The following TG variants were observed in gnomAD, a reference collection of about 807,000 sequenced individuals.
TG encodes the protein thyroglobulin, also known as thyroid hormones.
A neutral mutation model predicts 324.7 loss-of-function variants in TG; 270 were observed. The ratio of observed to expected loss-of-function variants is 0.83; its 90% CI spans 0.75 to 0.92. The LOEUF (loss-of-function observed/expected upper bound fraction) is 0.92, where lower values mean the gene tolerates loss of function less well. TG is among the 40% of genes least tolerant of loss of function. The pLI is 0.00. For synonymous variants in TG, 1,401 were observed against 1,327.0 expected, an observed-to-expected ratio of 1.06 and a Z score of -1.21; for missense variants, 3,591 against 3,456.4, an observed-to-expected ratio of 1.04 and a Z score of -0.98.
intron 11 of TG, 110 bp downstream of exon 11, chr8:132,894,039 C>T: frequency 6.4e-7 from 1 of 1,550,462 alleles, no homozygotes; most frequent in East Asian, 2.3e-5. Flanking sequence ...CTTCCCCAGA[C>T]TGATGGGTTC....
rs752408881 is a variant in TG, at chr8:133,133,639, T to C, written c.8167T>C (p.Ser2723Pro). Residue 2723 changes from serine to proline, a missense_variant, in exon 47 of 48, where the codon TCG becomes CCG. By Grantham distance (74) the Ser-to-Pro change is moderately conservative (BLOSUM62 -1). Transcript: ENST00000220616. ...CTGCTCCTTCTGGTCCAAGTACATC[T>C]CGTCTCTGAAGACATCTGCAGGTAG... ...ADCSFWSKYISSLKTSADGAK... is the reference protein window; with the variant it reads ...ADCSFWSKYIPSLKTSADGAK... 3.7e-6 allele frequency: 6 copies of C among 1,614,094 alleles called. No individual in the cohort carries two copies. The East Asian group carries it at 1.3e-4, about 36-fold the overall frequency.
intron 14 of TG, 55 bp downstream of exon 14, chr8:132,898,965 A>C (rs1014162433): frequency 6.8e-7 from 1 of 1,473,718 alleles, no homozygotes; most frequent in Non-Finnish European, 9.4e-7. Context: ...CTGGTCAGAG[A>C]TGATTTTTCT....
intron 43 of TG, among the ~76,000 whole-genome samples, chr8:133,100,767 G>A (rs946470692): frequency 6.6e-6 from 1 of 152,060 alleles, no homozygotes; most frequent in African/African-American, 2.4e-5. Context: ...CTAGAATAAA[G>A]GCTACTATGT....
At chr8:133,081,336 T>A (rs925526935) in intron 41 of TG, among the ~76,000 whole-genome samples, 6 of 152,240 alleles carry the variant, frequency 3.9e-5, no homozygotes, top group Non-Finnish European at 8.8e-5. Flanking sequence ...TGAATTAAAG[T>A]AAATAAATTG....
At chr8:133,046,071 G>A (rs552185833) in intron 41 of TG, among the ~76,000 whole-genome samples, 1 of 152,344 alleles carries the variant, frequency 6.6e-6, no homozygotes, top group South Asian at 2.1e-4. Flanking sequence ...GACCTGATAT[G>A]GGTTGGTAAG....
At chr8:132,991,545 G>A (rs1310997856) in intron 35 of TG, among the ~76,000 whole-genome samples, 6 of 152,152 alleles carry the variant, frequency 3.9e-5, no homozygotes, top group Admixed American at 6.5e-5. Context: ...ACGCACACAC[G>A]CACACAAGCC....
chr8:133,119,039 T>G (rs1850935547), intron 45 of TG, among the ~76,000 whole-genome samples: 3 of 152,160 alleles, frequency 2.0e-5, no homozygotes, highest in Admixed American at 2.0e-4. Flanking sequence ...AGCCAGAAAC[T>G]GGGAGAGCAC....
intron 43 of TG, among the ~76,000 whole-genome samples, chr8:133,110,793 T>C (rs1479335996): frequency 6.6e-6 from 1 of 152,190 alleles, no homozygotes; most frequent in Non-Finnish European, 1.5e-5. Flanking sequence ...AGCTGGGAAA[T>C]GCAAGAGCTG....
At chr8:132,973,417 T>G (rs1337317450) in intron 34 of TG, among the ~76,000 whole-genome samples, 1 of 141,966 alleles carries the variant, frequency 7.0e-6, no homozygotes, top group East Asian at 1.9e-4. Flanking sequence ...ATGATTCTGA[T>G]TATATCTATG....
chr8:132,983,294 A>T (rs1831119292), intron 34 of TG, 56 bp from the exon 35 acceptor site: 1 of 1,570,828 alleles, frequency 6.4e-7, no homozygotes, highest in Admixed American at 1.7e-5. Context: ...TGCCTTCTGA[A>T]CTCGATGATA....
chr8:133,063,161 C>G lies in TG; in HGVS notation c.7240-31883C>G, dbSNP rs150479709. ...ACACAGCAAACTGTCCCAACAATGC[C>G]TTCCTGTCCTTTCAGCCTGACTCAT... On this transcript the variant is annotated intron_variant, in intron 41 of 47. Coordinates refer to ENST00000220616, the MANE Select transcript of TG (RefSeq NM_003235.5). 7.2e-3 allele frequency among the ~76,000 whole-genome samples: 1,089 copies of G among 151,318 alleles called. 19 individuals are homozygous for G. The highest frequency in any genetic ancestry group is 0.025 in the African/African-American group (1,028 of 40,622).
rs903505403 is a variant in TG, at chr8:132,933,743, C to T, written c.4932+67C>T. The T allele has an allele frequency of 3.0e-5, 44 of 1,451,024 alleles. No homozygotes were observed. In the East Asian group the frequency reaches 3.2e-4, roughly 10 times the overall value. The allele number at this position is 1,451,024 out of a possible 1,614,324, so 89.9% of individuals were successfully genotyped here. A position where few individuals can be genotyped will look rare whatever the true frequency, so the allele number is the denominator to read the frequency against. The stretch of plus-strand genomic sequence containing the variant: ...TGTGGATCAGATGTGCTCTGAGGAG[C>T]GGGCAGCAGGCTGGCCAGGCGATGG... On this transcript the variant is annotated intron_variant, in intron 24 of 47. Transcript: ENST00000220616.
At chr8:133,033,178 G>T (rs1340483487) in intron 41 of TG, among the ~76,000 whole-genome samples, 1 of 152,200 alleles carries the variant, frequency 6.6e-6, no homozygotes, top group Non-Finnish European at 1.5e-5. Flanking sequence ...TCAAATCAGT[G>T]TGATGAATTG....
chr8:133,116,740 G>A, intron 45 of TG, 24 bp downstream of exon 45: 1 of 1,600,576 alleles, frequency 6.2e-7, no homozygotes, highest in South Asian at 1.1e-5. Context: ...GGGAAGCAGA[G>A]AAAGGAAGGT....
intron 41 of TG, among the ~76,000 whole-genome samples, chr8:133,059,490 C>T (rs943491497): frequency 2.0e-5 from 3 of 152,122 alleles, no homozygotes; most frequent in Admixed American, 6.5e-5. Context: ...CTAACCAAAC[C>T]TGACATCTCT....
chr8:133,102,520 G>T, intron 43 of TG: 1 of 1,550,430 alleles, frequency 6.4e-7, no homozygotes, highest in Non-Finnish European at 8.7e-7. Context: ...GCCCACCCAG[G>T]GGGTCCCAAT....
chr8:132,911,931 A>G (rs1819590380), intron 19 of TG, among the ~76,000 whole-genome samples: 1 of 152,208 alleles, frequency 6.6e-6, no homozygotes, highest in Non-Finnish European at 1.5e-5. Flanking sequence ...CAGTCACGAT[A>G]TGGATGAGTC....
Position 132,969,476 on chromosome 8 carries a change from T to C in TG, c.5882T>C (p.Val1961Ala). ...TATGAAGTTATACTGGAAGATAAAG[T>C]GAAGAACTTTTACACTCGCCTGCCG... ...FRKKVILEDK[V>A]KNFYTRLPFQ... is the part of the protein sequence containing the mutation. The change falls in exon 32 of 48, where the codon GTG (valine) becomes GCG (alanine). Residue 1961 changes from valine (V) to alanine (A), a missense_variant. Coordinates refer to ENST00000220616, the MANE Select transcript of TG (RefSeq NM_003235.5). The C allele has an allele frequency of 6.2e-7, 1 of 1,613,304 alleles. No individual in the cohort carries two copies. Among genetic ancestry groups the C allele is most frequent in the African/African-American group, 1.3e-5 (1 of 75,002 alleles).
At chr8:132,875,939 G>A (rs1039675043) in intron 5 of TG, among the ~76,000 whole-genome samples, 1 of 152,192 alleles carries the variant, frequency 6.6e-6, no homozygotes, top group African/African-American at 2.4e-5. Flanking sequence ...GAGGGCCTAA[G>A]CTTAGCGACT....
Sources: allele counts gnomAD v4.1 joint callset (sites outside exome capture counted in the v4.1 genomes callset), GRCh38; gene constraint gnomAD v4.1.1; transcripts MANE v1.5; gene names NCBI Gene and HGNC (gene_info 2026-07-23, HGNC 2026-07-21).